The following PCDHA9 variants were observed in gnomAD, a reference collection of about 807,000 sequenced individuals.
PCDHA9 encodes protocadherin alpha 9, also known as protocadherin alpha-9.
Under a neutral mutation model 62.0 loss-of-function variants are expected in PCDHA9, and 62 were observed. The ratio of observed to expected loss-of-function variants is 1.00; its 90% CI spans 0.81 to 1.23. The LOEUF (loss-of-function observed/expected upper bound fraction) is 1.23. Ranked by LOEUF, PCDHA9 falls within the 50% of genes most tolerant of loss-of-function variation. PCDHA9 has a pLI of 0.00. For missense variants in PCDHA9, 1,205 were observed against 1,249.8 expected (o/e 0.96, Z 0.54); for synonymous variants, 557 against 567.6 (o/e 0.98, Z 0.27).
At chr5:140,926,737 C>T (rs2083513630) in intron 1 of PCDHA9, 3 of 1,153,842 alleles carry the variant, frequency 2.6e-6, no homozygotes, top group Non-Finnish European at 3.4e-6. Flanking sequence ...GTTCGGGAGG[C>T]GCAACGTCGG....
At chr5:140,912,385 C>A (rs1323082765) in intron 1 of PCDHA9, among the ~76,000 whole-genome samples, 6 of 148,114 alleles carry the variant, frequency 4.1e-5, no homozygotes, top group African/African-American at 1.5e-4. Context: ...GGATTGAGTT[C>A]TTAATTTGAT....
intron 1 of PCDHA9, chr5:140,875,685 C>T (rs563250653): frequency 6.2e-7 from 1 of 1,613,934 alleles, no homozygotes; most frequent in South Asian, 1.1e-5. Flanking sequence ...CCAAAAGACA[C>T]GGGGACCTTC....
At chr5:140,915,814 A>G (rs2077313905) in intron 1 of PCDHA9, among the ~76,000 whole-genome samples, 1 of 152,102 alleles carries the variant, frequency 6.6e-6, no homozygotes, top group African/African-American at 2.4e-5. Flanking sequence ...TGTTCACTCA[A>G]GGCCCTAGGG....
In PCDHA9 at chr5:140,849,867, TC is replaced by T; in HGVS notation, c.1374del (p.Glu459SerfsTer6). 1 of 1,598,534 alleles carries T rather than the reference TC, an allele frequency of 6.3e-7. No homozygotes were observed. The highest frequency in any genetic ancestry group is 8.6e-7 in the Non-Finnish European group (1 of 1,167,968). On this transcript the variant is annotated frameshift_variant, in exon 1 of 4. Coordinates refer to ENST00000532602, the MANE Select transcript of PCDHA9 (RefSeq NM_031857.2). LOFTEE classifies it high-confidence loss of function. ...CGACAACGCACCAGCGTTCGCGCAGTCCGAGTACACGGTGTTCGTGAAGGAG... is the reference window on the plus strand; with the variant it reads ...CGACAACGCACCAGCGTTCGCGCAGTCGAGTACACGGTGTTCGTGAAGGAG... Reference protein sequence around the residue: ...VNDNAPAFAQSEYTVFVKENN... With the variant: ...VNDNAPAFAQXEYTVFVKENN...
At chr5:140,967,252 G>A (rs199714982) in intron 1 of PCDHA9, 1 of 1,613,504 alleles carries the variant, frequency 6.2e-7, no homozygotes, top group Non-Finnish European at 8.5e-7. Flanking sequence ...AATCGGTGGC[G>A]CCTGGAGCGC....
At chr5:140,946,705 T>A (rs246053) in intron 1 of PCDHA9, among the ~76,000 whole-genome samples, 81,982 of 146,914 alleles carry the variant, frequency 0.56, 23,474 homozygotes, top group African/African-American at 0.69. Context: ...AATCTGGAGG[T>A]CATTATGTTT....
At chr5:140,861,849 T>G (rs2047107514) in intron 1 of PCDHA9, 1 of 156,218 alleles carries the variant, frequency 6.4e-6, no homozygotes, top group Non-Finnish European at 1.4e-5. Flanking sequence ...CTACTCTTGG[T>G]GCTCAAAGCA....
intron 1 of PCDHA9, among the ~76,000 whole-genome samples, chr5:140,962,106 C>T (rs1156902232): frequency 4.6e-5 from 7 of 152,130 alleles, no homozygotes; most frequent in Non-Finnish European, 7.4e-5. Context: ...AGGATGGTCT[C>T]GATCTCCTAA....
At chr5:140,871,117 G>T in intron 1 of PCDHA9, 2 of 1,613,286 alleles carry the variant, frequency 1.2e-6, no homozygotes, top group Non-Finnish European at 1.7e-6. Flanking sequence ...GGTGGAGAGC[G>T]GACAGGCGCC....
At chr5:140,870,153 CG>C (rs1562639258) in intron 1 of PCDHA9, 2 of 1,614,088 alleles carry the variant, frequency 1.2e-6, no homozygotes, top group South Asian at 2.2e-5. Flanking sequence ...CTGAAGTCGC[CG>C]TGACTTCCTT....
At chr5:140,921,285 T>G (rs1275527554) in intron 1 of PCDHA9, among the ~76,000 whole-genome samples, 1 of 152,180 alleles carries the variant, frequency 6.6e-6, no homozygotes. Context: ...GAAAAAAACC[T>G]CAAATTTGCT....
At position 140,972,813 on chromosome 5, in the gene PCDHA9, G is replaced by A. The variant is rs559474622; in HGVS notation, c.2395-6136G>A. Reference sequence around the variant, plus strand: ...TGAGTAGCTGAGATTACAGGCACGCGCCACCACGCCTGGCTAATTTTTGTA... The same window carrying A: ...TGAGTAGCTGAGATTACAGGCACGCACCACCACGCCTGGCTAATTTTTGTA... On this transcript the variant is annotated intron_variant, in intron 1 of 3. Transcript: ENST00000532602. Among the ~76,000 whole-genome samples, 11 of 151,984 alleles carry A rather than the reference G, an allele frequency of 7.2e-5. No individual in the cohort carries two copies. In the East Asian group the frequency reaches 1.2e-3, roughly 16 times the overall value.
At chr5:140,972,415 A>G (rs1048437043) in intron 1 of PCDHA9, among the ~76,000 whole-genome samples, 2 of 152,138 alleles carry the variant, frequency 1.3e-5, no homozygotes, top group East Asian at 3.9e-4. Flanking sequence ...AACCCTGTTA[A>G]GATCTTTTAT....
chr5:140,874,929 G>A lies in PCDHA9; in HGVS notation c.2394+24040G>A, dbSNP rs1554167415. Among the ~76,000 whole-genome samples, 6 of 152,304 alleles carry A rather than the reference G, an allele frequency of 3.9e-5. 1 individual carries two copies. On this transcript the variant is annotated intron_variant, in intron 1 of 3. Transcript: ENST00000532602. ...GATGGAGTGCTTGTGAAGGTTAAAA[G>A]TTATTGAAACAGCGGAATTGTAAGC...
intron 1 of PCDHA9, chr5:140,928,551 G>A (rs782615304): frequency 2.5e-6 from 4 of 1,614,044 alleles, no homozygotes; most frequent in Non-Finnish European, 2.5e-6. Context: ...ACAATTATCC[G>A]GTTATCTTGT....
intron 1 of PCDHA9, among the ~76,000 whole-genome samples, chr5:140,939,276 C>T (rs146183157): frequency 6.6e-6 from 1 of 152,174 alleles, no homozygotes; most frequent in Non-Finnish European, 1.5e-5. Flanking sequence ...GAGAGCTGTG[C>T]CCTCGTGATC....
chr5:140,989,538 T>G (rs1254500205), intron 3 of PCDHA9, among the ~76,000 whole-genome samples: 3 of 152,180 alleles, frequency 2.0e-5, no homozygotes, highest in Non-Finnish European at 4.4e-5. Flanking sequence ...GAAGATAGTT[T>G]GTAATTCCTT....
chr5:140,929,046 C>T, intron 1 of PCDHA9: 3 of 1,614,206 alleles, frequency 1.9e-6, no homozygotes, highest in Non-Finnish European at 2.5e-6. Context: ...CTCAGAGCTG[C>T]TGTCGCTCTA....
intron 3 of PCDHA9, among the ~76,000 whole-genome samples, chr5:140,989,274 G>A (rs3756325): frequency 0.3 from 45,270 of 152,016 alleles, 6,976 homozygotes; most frequent in East Asian, 0.43. Flanking sequence ...GTTTCTGCTG[G>A]GGACATCTCA....
Sources: allele counts gnomAD v4.1 joint callset (sites outside exome capture counted in the v4.1 genomes callset), GRCh38; gene constraint gnomAD v4.1.1; transcripts MANE v1.5; gene names NCBI Gene and HGNC (gene_info 2026-07-23, HGNC 2026-07-21).